Variants in DMD observed in about 807,000 individuals in gnomAD.
The protein encoded by DMD is mutant dystrophin.
DMD carries 63 observed loss-of-function variants against 330.1 expected under a neutral mutation model. The ratio of observed to expected loss-of-function variants is 0.19; its 90% CI spans 0.16 to 0.24. The LOEUF (loss-of-function observed/expected upper bound fraction) is 0.24. Ranked by LOEUF, DMD falls within the 10% of genes least tolerant of loss-of-function variation. The pLI is 1.00. For missense variants in DMD, 3,344 were observed against 2,684.1 expected, an observed-to-expected ratio of 1.25 and a Z score of -5.43; for synonymous variants, 1,223 against 959.8, an observed-to-expected ratio of 1.27 and a Z score of -5.07.
chrX:32,823,215 T>C, intron 5 of DMD, 80 bp downstream of exon 5: 1 of 811,664 alleles, frequency 1.2e-6, no homozygotes, highest in African/African-American at 2.0e-5. Context: ...GAAATACACA[T>C]TTGTTTCACA....
intron 42 of DMD, among the ~76,000 whole-genome samples, chrX:32,306,009 C>A (rs991636475): frequency 9.1e-6 from 1 of 109,608 alleles, no homozygotes; most frequent in African/African-American, 3.3e-5. Flanking sequence ...CCTACGTCTA[C>A]CCCTGTAGTG....
Position 31,212,365 on chromosome X carries a change from G to C in DMD, c.9362-2666C>G, listed in dbSNP as rs185291664. Among the ~76,000 whole-genome samples the C allele has an allele frequency of 5.8e-3, 637 of 109,818 alleles. 8 individuals are homozygous for C. The highest frequency in any genetic ancestry group is 0.02 in the African/African-American group (604 of 30,197). The stretch of plus-strand genomic sequence containing the variant: ...GTGGTACCCTATGCATGAGGGCTGT[G>C]GGGGTGAGAGAGGGTGGGGACAGGA... On this transcript the variant is annotated intron_variant, in intron 64 of 78. Coordinates refer to ENST00000357033, the MANE Select transcript of DMD (RefSeq NM_004006.3).
chrX:32,840,269 T>C (rs1217948931), intron 4 of DMD, among the ~76,000 whole-genome samples: 1 of 112,122 alleles, frequency 8.9e-6, no homozygotes, highest in Non-Finnish European at 1.9e-5. Context: ...AGGTTCTATA[T>C]TTTCTGTAAG....
intron 34 of DMD, among the ~76,000 whole-genome samples, chrX:32,378,856 C>A (rs1003517061): frequency 9.1e-6 from 1 of 110,397 alleles, no homozygotes; most frequent in Admixed American, 9.7e-5. Flanking sequence ...TCTCCACCTA[C>A]CAAGAAACCA....
chrX:31,555,657 C>G (rs1198115560), intron 55 of DMD, among the ~76,000 whole-genome samples: 9 of 111,574 alleles, frequency 8.1e-5, no homozygotes, highest in Non-Finnish European at 1.7e-4. Context: ...TCTGATAAAC[C>G]ACATGCCACT....
At chrX:31,282,127 A>G (rs958851641) in intron 62 of DMD, among the ~76,000 whole-genome samples, 1 of 112,188 alleles carries the variant, frequency 8.9e-6, no homozygotes, top group East Asian at 2.8e-4. Flanking sequence ...AGCAAAAATA[A>G]AACTACAGTG....
intron 44 of DMD, among the ~76,000 whole-genome samples, chrX:32,213,377 G>T (rs1002582570): frequency 8.9e-6 from 1 of 112,373 alleles, no homozygotes; most frequent in East Asian, 2.8e-4. Flanking sequence ...ATCGATGAAG[G>T]TATCTTACGG....
chrX:32,879,021 A>AAAAAAAAAAAAC (rs1352069437), intron 2 of DMD, among the ~76,000 whole-genome samples: 19 of 101,776 alleles, frequency 1.9e-4, no homozygotes, highest in Non-Finnish European at 3.9e-4. Context: ...AAAAAAACAA[A>AAAAAAAAAAAAC]AAACAAAAAA....
chrX:31,905,896 T>A (rs59120474), intron 47 of DMD, among the ~76,000 whole-genome samples: 1 of 111,308 alleles, frequency 9.0e-6, no homozygotes, highest in Admixed American at 9.5e-5. Context: ...AATTATAAAG[T>A]GAATTTTTAA....
At chrX:31,988,613 G>A (rs2095528288) in intron 44 of DMD, among the ~76,000 whole-genome samples, 1 of 109,533 alleles carries the variant, frequency 9.1e-6, no homozygotes, top group South Asian at 3.9e-4. Context: ...TAACTTTCAG[G>A]ACACCAGAAC....
intron 59 of DMD, among the ~76,000 whole-genome samples, chrX:31,455,392 A>G (rs1311645197): frequency 9.0e-6 from 1 of 111,457 alleles, no homozygotes; most frequent in Non-Finnish European, 1.9e-5. Context: ...GCAATCCTAC[A>G]TTATTGTTTT....
chrX:31,529,885 G>C (rs1191133005), intron 55 of DMD, among the ~76,000 whole-genome samples: 1 of 96,042 alleles, frequency 1.0e-5, no homozygotes, highest in Admixed American at 1.2e-4. Flanking sequence ...CTTCTTGAAA[G>C]AAAGATTTCT....
At chrX:31,669,068 A>AG (rs2081593767) in intron 53 of DMD, among the ~76,000 whole-genome samples, 1 of 112,160 alleles carries the variant, frequency 8.9e-6, no homozygotes, top group East Asian at 2.8e-4. Flanking sequence ...TGCAATAAAC[A>AG]CAGGAGTGAA....
At chrX:32,816,423 A>G in intron 6 of DMD, 45 bp downstream of exon 6, 3 of 1,193,412 alleles carry the variant, frequency 2.5e-6, no homozygotes, top group Non-Finnish European at 3.4e-6. Context: ...CAGAGTCTAA[A>G]TCACCACTTT....
intron 51 of DMD, among the ~76,000 whole-genome samples, chrX:31,758,689 A>G (rs2089330442): frequency 9.0e-6 from 1 of 111,701 alleles, no homozygotes; most frequent in Non-Finnish European, 1.9e-5. Context: ...TCAAGTGTCT[A>G]TCATTTTTCA....
chrX:31,434,379 T>C (rs2064309643), intron 60 of DMD, among the ~76,000 whole-genome samples: 1 of 104,510 alleles, frequency 9.6e-6, no homozygotes, highest in Non-Finnish European at 2.0e-5. Flanking sequence ...GGTGTCCTGA[T>C]TGCCCTTTCC....
At chrX:33,205,224 A>G (rs1424641183) in intron 1 of DMD, among the ~76,000 whole-genome samples, 1 of 112,570 alleles carries the variant, frequency 8.9e-6, no homozygotes, top group Non-Finnish European at 1.9e-5. Context: ...TCATTTTTAC[A>G]GATTATTATT....
At chrX:32,223,749 T>C (rs141454558) in intron 43 of DMD, among the ~76,000 whole-genome samples, 1 of 112,118 alleles carries the variant, frequency 8.9e-6, no homozygotes, top group Non-Finnish European at 1.9e-5. Flanking sequence ...GTCAGACTTA[T>C]AAATTTCAAT....
chrX:31,739,126 T>C (rs966804847), intron 51 of DMD, among the ~76,000 whole-genome samples: 4 of 111,730 alleles, frequency 3.6e-5, no homozygotes, highest in Non-Finnish European at 7.5e-5. Context: ...GCTTGAGGGG[T>C]TGAATACCCC....
Sources: gnomAD v4.1 joint callset for allele counts (sites outside exome capture counted in the v4.1 genomes callset) on GRCh38, gnomAD v4.1.1 for gene constraint, MANE v1.5 for transcripts, NCBI Gene and HGNC (gene_info 2026-07-23, HGNC 2026-07-21) for gene names.